The following PNPT1 variants were observed in gnomAD, a reference collection of about 807,000 sequenced individuals.
The protein encoded by PNPT1 is polyribonucleotide nucleotidyltransferase 1, mitochondrial.
PNPT1 carries 53 observed loss-of-function variants against 119.5 expected under a neutral mutation model. The observed-to-expected ratio is 0.44, with a 90% CI of 0.36 to 0.56. The LOEUF (loss-of-function observed/expected upper bound fraction) is 0.56. PNPT1 is among the 20% of genes least tolerant of loss of function. The pLI is 0.00. For missense variants in PNPT1, 948 were observed against 938.5 expected (o/e 1.01, Z -0.13); for synonymous variants, 357 against 322.1 (o/e 1.11, Z -1.16).
chr2:55,664,134 T>C (rs1177419049), intron 13 of PNPT1, among the ~76,000 whole-genome samples: 1 of 152,260 alleles, frequency 6.6e-6, no homozygotes, highest in African/African-American at 2.4e-5. Flanking sequence ...GCCTATCTTT[T>C]TCTTATTACT....
In PNPT1 at chr2:55,682,361, G is replaced by T. The variant is rs567551657; in HGVS notation, c.453+1424C>A. Reference sequence around the variant, plus strand: ...TGTAATCCCAGCTACTCAGGAGGCTGAGGCAGGGAGAATGGTTTGAACCTG... The same window carrying T: ...TGTAATCCCAGCTACTCAGGAGGCTTAGGCAGGGAGAATGGTTTGAACCTG... On this transcript the variant is annotated intron_variant, in intron 5 of 27. Transcript: ENST00000447944. 1.1e-3 allele frequency among the ~76,000 whole-genome samples: 174 copies of T among 151,642 alleles called. 2 individuals carry two copies. In the Middle Eastern group the frequency reaches 0.024, roughly 21 times the overall value.
At chr2:55,636,984 A>G (rs1695694269) in intron 27 of PNPT1, among the ~76,000 whole-genome samples, 2 of 152,376 alleles carry the variant, frequency 1.3e-5, no homozygotes, top group South Asian at 2.1e-4. Flanking sequence ...AAGACTACAC[A>G]TTGGGAATAA....
In PNPT1 at chr2:55,667,129, G is replaced by A. The variant is rs574559489; in HGVS notation, c.1074-36C>T. On this transcript the variant is annotated intron_variant, in intron 12 of 27. Coordinates refer to ENST00000447944, the MANE Select transcript of PNPT1 (RefSeq NM_033109.5). Reference sequence around the variant, plus strand: ...ATAGGAAATAAGTACATTAAGTAACGCTGGAAACAGAAAAATCACATGTCT... The same window carrying A: ...ATAGGAAATAAGTACATTAAGTAACACTGGAAACAGAAAAATCACATGTCT... The A allele has an allele frequency of 1.5e-5, 22 of 1,489,040 alleles. 1 individual carries two copies. Among genetic ancestry groups the A allele is most frequent in the South Asian group, 5.7e-5 (5 of 87,850 alleles). The allele number at this position is 1,489,040 out of a possible 1,614,324, so 92.2% of individuals were successfully genotyped here.
At position 55,684,975 on chromosome 2, in the gene PNPT1, G is replaced by A. The variant is rs1185368233; in HGVS notation, c.371C>T (p.Ser124Phe). 1.3e-5 allele frequency: 21 copies of A among 1,588,950 alleles called. No homozygotes were observed. The highest frequency in any genetic ancestry group is 1.7e-5 in the Non-Finnish European group (20 of 1,162,076). ...TCGACTTGTTAGAATTTCTTTATCAGAAGTACCAATCTCTCTTCTCAGATA... is the reference window on the plus strand; with the variant it reads ...TCGACTTGTTAGAATTTCTTTATCAAAAGTACCAATCTCTCTTCTCAGATA... Reference protein sequence around the residue: ...TNYLRREIGTSDKEILTSRII... With the variant: ...TNYLRREIGTFDKEILTSRII... Residue 124 changes from serine (S) to phenylalanine (F), a missense_variant, in exon 4 of 28, where the codon TCT (serine) becomes TTT (phenylalanine). By Grantham distance (155) the Ser-to-Phe change is radical (BLOSUM62 -2). Coordinates refer to ENST00000447944, the MANE Select transcript of PNPT1 (RefSeq NM_033109.5).
intron 1 of PNPT1, among the ~76,000 whole-genome samples, chr2:55,693,219 C>T (rs1697678853): frequency 6.6e-6 from 1 of 152,220 alleles, no homozygotes; most frequent in African/African-American, 2.4e-5. Context: ...GTGGGGGACC[C>T]GTGGTGCACT....
Position 55,658,542 on chromosome 2 carries a change from A to C in PNPT1, c.1284+1615T>G, listed in dbSNP as rs550222456. 5.4e-4 allele frequency among the ~76,000 whole-genome samples: 82 copies of C among 152,248 alleles called. No homozygotes were observed. In the Middle Eastern group the frequency reaches 0.01, roughly 19 times the overall value. On this transcript the variant is annotated intron_variant, in intron 15 of 27. Coordinates refer to ENST00000447944, the MANE Select transcript of PNPT1 (RefSeq NM_033109.5). ...AGTACCTATGCTTTATTTTATAATA[A>C]AGAGATTCACAAAAATAAAATATGG... is the stretch of plus-strand genomic sequence containing the variant.
At chr2:55,660,577 AG>A in intron 14 of PNPT1, among the ~76,000 whole-genome samples, 1 of 152,220 alleles carries the variant, frequency 6.6e-6, no homozygotes, top group Non-Finnish European at 1.5e-5. Flanking sequence ...ACGAAGAAAA[AG>A]TCCTGGGATG....
At chr2:55,685,873 A>C (rs1697390254) in intron 3 of PNPT1, among the ~76,000 whole-genome samples, 1 of 152,250 alleles carries the variant, frequency 6.6e-6, no homozygotes, top group South Asian at 2.1e-4. Context: ...TCTAGATTAC[A>C]TATAATCCTT....
In PNPT1 at chr2:55,672,194, A is replaced by G. The variant is rs1185186275; in HGVS notation, c.867-148T>C. The G allele has an allele frequency of 6.3e-6, 4 of 635,966 alleles. No homozygotes were observed. In the East Asian group the frequency reaches 1.2e-4, roughly 19 times the overall value. 39.4% of individuals were successfully genotyped at this position (635,966 alleles called of 1,614,324 possible). ...GAATTGAAAATTTATATTGCTATTT[A>G]TCATTGCTAATCTGTTTACTATTTA... On this transcript the variant is annotated intron_variant, in intron 9 of 27. Coordinates refer to ENST00000447944, the MANE Select transcript of PNPT1 (RefSeq NM_033109.5).
At chr2:55,670,746 T>C (rs1696885435) in intron 11 of PNPT1, among the ~76,000 whole-genome samples, 1 of 152,210 alleles carries the variant, frequency 6.6e-6, no homozygotes, top group African/African-American at 2.4e-5. Context: ...AATGATAAGA[T>C]ACCAGGTTAC....
At chr2:55,686,220 T>G (rs1443005041) in intron 3 of PNPT1, 150 bp downstream of exon 3, 1 of 648,618 alleles carries the variant, frequency 1.5e-6, no homozygotes, top group Non-Finnish European at 2.6e-6. Flanking sequence ...CAGTTTATAC[T>G]CTTTTAATGA....
intron 2 of PNPT1, 103 bp downstream of exon 2, chr2:55,687,542 C>T: frequency 1.2e-6 from 1 of 816,280 alleles, no homozygotes; most frequent in Non-Finnish European, 1.9e-6. Context: ...AATTAATTTC[C>T]AGTACCAAAA....
At position 55,656,197 on chromosome 2, in the gene PNPT1, A is replaced by G. The variant is rs1248233996; in HGVS notation, c.1375T>C (p.Tyr459His). ...GGAAAATCTCGGGGAATAACAGGAT[A>G]CAAAGCTTTCTCAGCAAGAGCACCT... ...GHGALAEKALYPVIPRDFPFT... is the reference protein window; with the variant it reads ...GHGALAEKALHPVIPRDFPFT... The change falls in exon 17 of 28, where the codon TAT becomes CAT. Residue 459 changes from tyrosine (Y) to histidine (H), a missense_variant. Physicochemically the swap from Tyr to His is moderately conservative, Grantham distance 83. Coordinates refer to ENST00000447944, the MANE Select transcript of PNPT1 (RefSeq NM_033109.5). 6.2e-7 allele frequency: 1 copy of G among 1,613,548 alleles called. No homozygotes were observed. Among genetic ancestry groups the G allele is most frequent in the Admixed American group, 1.7e-5 (1 of 60,002 alleles).
Position 55,673,086 on chromosome 2 carries a change from A to T in PNPT1, c.680-7T>A. 6.5e-7 allele frequency: 1 copy of T among 1,546,942 alleles called. No individual in the cohort carries two copies. Among genetic ancestry groups the T allele is most frequent in the Non-Finnish European group, 8.7e-7 (1 of 1,155,212 alleles). On this transcript the variant is annotated splice_polypyrimidine_tract_variant and splice_region_variant and intron_variant, in intron 8 of 27. Coordinates refer to ENST00000447944, the MANE Select transcript of PNPT1 (RefSeq NM_033109.5). The stretch of plus-strand genomic sequence containing the variant: ...GCAGAGGCTTCCAACATGACTATTT[A>T]AAGGAAAAAGAAAAAAAAAATGACT...
chr2:55,639,680 C>T (rs910644210), intron 26 of PNPT1, among the ~76,000 whole-genome samples: 4 of 152,048 alleles, frequency 2.6e-5, no homozygotes, highest in African/African-American at 9.7e-5. Context: ...AGCATTTTTA[C>T]TTTAGGTTGC....
rs187984342 is a variant in PNPT1, at chr2:55,688,110, T to C, written c.162-405A>G. On this transcript the variant is annotated intron_variant, in intron 1 of 27. Coordinates refer to ENST00000447944, the MANE Select transcript of PNPT1 (RefSeq NM_033109.5). ...CCAGGCTGGAATGCAGTGGCACAATTACAGCTCACTGCAACCTAGAACACC... is the reference window on the plus strand; with the variant it reads ...CCAGGCTGGAATGCAGTGGCACAATCACAGCTCACTGCAACCTAGAACACC... Among the ~76,000 whole-genome samples the C allele has an allele frequency of 3.3e-5, 5 of 151,976 alleles. No individual in the cohort carries two copies. In the East Asian group the frequency reaches 9.7e-4, roughly 29 times the overall value.
chr2:55,684,727 G>A (rs1441641751), intron 4 of PNPT1, among the ~76,000 whole-genome samples: 1 of 152,230 alleles, frequency 6.6e-6, no homozygotes, highest in Non-Finnish European at 1.5e-5. Context: ...GTGCTAAGCA[G>A]TATAACAGGT....
chr2:55,680,783 GC>G, intron 6 of PNPT1, 24 bp from the exon 7 acceptor site: 1 of 1,612,952 alleles, frequency 6.2e-7, no homozygotes, highest in Non-Finnish European at 8.5e-7. Context: ...AAAAATCAGG[GC>G]CGAAATTAAA....
chr2:55,664,708 A>T (rs2104100790), intron 13 of PNPT1, among the ~76,000 whole-genome samples: 1 of 152,306 alleles, frequency 6.6e-6, no homozygotes, highest in South Asian at 2.1e-4. Flanking sequence ...ACATGAATGG[A>T]CTAAGTACTA....
Sources: allele counts gnomAD v4.1 joint callset (sites outside exome capture counted in the v4.1 genomes callset), GRCh38; gene constraint gnomAD v4.1.1; transcripts MANE v1.5; gene names NCBI Gene and HGNC (gene_info 2026-07-23, HGNC 2026-07-21).